Variants in USO1 observed in about 807,000 individuals in gnomAD.
USO1 encodes USO1 vesicle transport factor.
In USO1, 57 loss-of-function variants were observed where a neutral mutation model predicts 124.5. The ratio of observed to expected loss-of-function variants is 0.46; its 90% CI spans 0.37 to 0.57. The LOEUF (loss-of-function observed/expected upper bound fraction) is 0.57. Among genes scored for constraint, USO1 ranks in the 20% least tolerant of loss-of-function variants. The pLI is 0.00. For missense variants in USO1, 900 were observed against 1,040.6 expected (o/e 0.86, Z 1.86); for synonymous variants, 369 against 362.8 (o/e 1.02, Z -0.19).
At chr4:75,726,477 A>G (rs1720465064) in intron 1 of USO1, among the ~76,000 whole-genome samples, 1 of 151,962 alleles carries the variant, frequency 6.6e-6, no homozygotes, top group Non-Finnish European at 1.5e-5. Context: ...ACACAGGCCT[A>G]TAATCCCAGC....
intron 20 of USO1, among the ~76,000 whole-genome samples, chr4:75,808,632 T>C (rs1723057665): frequency 6.6e-6 from 1 of 152,130 alleles, no homozygotes; most frequent in Non-Finnish European, 1.5e-5. Context: ...AATTCCCCAA[T>C]TATATTGCTC....
chr4:75,777,539 A>G (rs1722105092), intron 8 of USO1, among the ~76,000 whole-genome samples: 2 of 152,340 alleles, frequency 1.3e-5, no homozygotes, highest in South Asian at 2.1e-4. Context: ...AATGATCTGA[A>G]CAGACATCTC....
At chr4:75,812,476 G>A in intron 23 of USO1, 101 bp downstream of exon 23, 1 of 1,407,506 alleles carries the variant, frequency 7.1e-7, no homozygotes, top group South Asian at 1.4e-5. Flanking sequence ...CTGTATTATA[G>A]GAATGGATAT....
intron 3 of USO1, among the ~76,000 whole-genome samples, chr4:75,755,068 A>G (rs746293337): frequency 1.3e-5 from 2 of 152,170 alleles, no homozygotes; most frequent in Non-Finnish European, 2.9e-5. Context: ...GTTCCTCAAC[A>G]TGTTTCTCTC....
At chr4:75,734,271 CTTATATTTA>C (rs574068214) in intron 1 of USO1, among the ~76,000 whole-genome samples, 197 of 151,892 alleles carry the variant, frequency 1.3e-3, no homozygotes, top group South Asian at 0.01. Flanking sequence ...AGTTTTAGGT[CTTATATTTA>C]TGTCTTTAAT....
At chr4:75,802,287 T>G (rs1191637143) in intron 17 of USO1, among the ~76,000 whole-genome samples, 1 of 152,186 alleles carries the variant, frequency 6.6e-6, no homozygotes, top group African/African-American at 2.4e-5. Context: ...CATCTATATC[T>G]GGGTACAAAG....
At chr4:75,773,965 A>G (rs1460486983) in intron 7 of USO1, among the ~76,000 whole-genome samples, 1 of 152,126 alleles carries the variant, frequency 6.6e-6, no homozygotes, top group Non-Finnish European at 1.5e-5. Context: ...CTATTATTTA[A>G]TACTTAGGGA....
intron 4 of USO1, chr4:75,767,482 C>G (rs889537756): frequency 4.5e-6 from 2 of 440,434 alleles, no homozygotes; most frequent in Non-Finnish European, 9.0e-6. Context: ...TGGTGGCTCA[C>G]GCCTGTAATC....
intron 1 of USO1, 92 bp downstream of exon 1, chr4:75,724,977 C>A (rs775535892): frequency 1.4e-6 from 2 of 1,418,980 alleles, no homozygotes; most frequent in African/African-American, 1.4e-5. Context: ...CTCCAGCGTC[C>A]CACCATGGAG....
chr4:75,745,921 C>CA lies in USO1; in HGVS notation c.67-6452_67-6451insA, dbSNP rs1273283197. ...TGTCAAATAAAAAATAAAAAAAAAA[C>CA]GAAAAAAACAGTTTATTAGTTTGGG... is the stretch of plus-strand genomic sequence containing the variant. On this transcript the variant is annotated intron_variant, in intron 1 of 23. Coordinates refer to ENST00000514213, the MANE Select transcript of USO1 (RefSeq NM_003715.4). 3.0e-4 allele frequency among the ~76,000 whole-genome samples: 45 copies of CA among 150,614 alleles called. No homozygotes were observed. The South Asian group carries it at 3.4e-3, about 11-fold the overall frequency.
At chr4:75,725,076 T>A (rs1483359022) in intron 1 of USO1, 191 bp downstream of exon 1, 1 of 647,656 alleles carries the variant, frequency 1.5e-6, no homozygotes, top group African/African-American at 1.9e-5. Flanking sequence ...TCAGTCCCCA[T>A]TGCTGCCGTT....
intron 1 of USO1, among the ~76,000 whole-genome samples, chr4:75,726,281 CAAA>C (rs1182405273): frequency 2.0e-4 from 15 of 75,488 alleles, no homozygotes; most frequent in African/African-American, 4.0e-4. Flanking sequence ...AACTCTGTCT[CAAA>C]AAAAAAAAAA....
At chr4:75,807,514 A>C (rs1260470931) in intron 20 of USO1, among the ~76,000 whole-genome samples, 4 of 152,072 alleles carry the variant, frequency 2.6e-5, no homozygotes, top group Non-Finnish European at 4.4e-5. Flanking sequence ...GAACATAGAG[A>C]AATTTTGTCT....
chr4:75,801,576 G>A (rs1176908073), intron 17 of USO1, among the ~76,000 whole-genome samples: 4 of 151,842 alleles, frequency 2.6e-5, no homozygotes, highest in Admixed American at 2.6e-4. Context: ...TACCTTGATT[G>A]GAATTCTAGA....
chr4:75,756,396 G>T (rs1490820693), intron 3 of USO1, among the ~76,000 whole-genome samples: 1 of 148,208 alleles, frequency 6.7e-6, no homozygotes, highest in Non-Finnish European at 1.5e-5. Flanking sequence ...TAAATCACAC[G>T]CATATTTTAT....
At chr4:75,771,591 A>G (rs1465841929) in intron 7 of USO1, among the ~76,000 whole-genome samples, 5 of 152,212 alleles carry the variant, frequency 3.3e-5, no homozygotes, top group Admixed American at 6.5e-5. Context: ...TTTTCCTCAT[A>G]AAGAGTAGCG....
intron 1 of USO1, among the ~76,000 whole-genome samples, chr4:75,730,281 G>A (rs1466381633): frequency 6.6e-6 from 1 of 152,118 alleles, no homozygotes; most frequent in Non-Finnish European, 1.5e-5. Flanking sequence ...AATTTGAATA[G>A]ATGTCCATGA....
At chr4:75,754,823 T>C (rs934234356) in intron 3 of USO1, among the ~76,000 whole-genome samples, 11 of 152,232 alleles carry the variant, frequency 7.2e-5, no homozygotes, top group Admixed American at 6.5e-5. Context: ...TCTGTGTTTG[T>C]TATCTTTGGC....
chr4:75,784,365 C>A (rs1004343993), intron 9 of USO1, among the ~76,000 whole-genome samples: 2 of 152,004 alleles, frequency 1.3e-5, no homozygotes. Context: ...AAGTAATTTC[C>A]AAAATGTGAT....
Sources: gnomAD v4.1 joint callset for allele counts (sites outside exome capture counted in the v4.1 genomes callset) on GRCh38, gnomAD v4.1.1 for gene constraint, MANE v1.5 for transcripts, NCBI Gene and HGNC (gene_info 2026-07-23, HGNC 2026-07-21) for gene names.